The following LOXHD1 variants were observed in gnomAD, a reference collection of about 807,000 sequenced individuals.
The protein encoded by LOXHD1 is lipoxygenase homology domain-containing protein 1.
In LOXHD1, 205 loss-of-function variants were observed where a neutral mutation model predicts 248.2. The observed-to-expected ratio is 0.83, with a 90% CI of 0.74 to 0.93. LOXHD1 has a LOEUF of 0.93. Among genes scored for constraint, LOXHD1 ranks in the 40% least tolerant of loss-of-function variants. The pLI is 0.00. For missense variants in LOXHD1, 2,930 were observed against 2,971.6 expected, an observed-to-expected ratio of 0.99 and a Z score of 0.33; for synonymous variants, 1,113 against 1,162.8, an observed-to-expected ratio of 0.96 and a Z score of 0.87.
At chr18:46,585,892 C>A (rs1665768226) in intron 12 of LOXHD1, among the ~76,000 whole-genome samples, 1 of 152,080 alleles carries the variant, frequency 6.6e-6, no homozygotes, top group African/African-American at 2.4e-5. Context: ...ACCAAATGAC[C>A]CAGCAAATTC....
chr18:46,507,508 A>G, intron 36 of LOXHD1, 30 bp downstream of exon 36: 1 of 1,551,226 alleles, frequency 6.4e-7, no homozygotes, highest in Non-Finnish European at 8.7e-7. Context: ...GTGGTAAGGG[A>G]GCGGGAGGTG....
intron 37 of LOXHD1, among the ~76,000 whole-genome samples, chr18:46,500,393 C>A (rs1269379300): frequency 6.6e-6 from 1 of 152,204 alleles, no homozygotes; most frequent in African/African-American, 2.4e-5. Context: ...TCTCCAGCAT[C>A]CTCACCATTC....
At position 46,560,557 on chromosome 18, in the gene LOXHD1, G is replaced by C; in HGVS notation, c.2599-12C>G. The C allele has an allele frequency of 6.6e-7, 1 of 1,516,004 alleles. No individual in the cohort carries two copies. The highest frequency in any genetic ancestry group is 8.8e-7 in the Non-Finnish European group (1 of 1,134,288). 93.9% of individuals were successfully genotyped at this position (1,516,004 alleles called of 1,614,324 possible). On this transcript the variant is annotated splice_polypyrimidine_tract_variant and intron_variant, in intron 18 of 40. Coordinates refer to ENST00000642948, the MANE Select transcript of LOXHD1 (RefSeq NM_001384474.1). ...TCGGCCGCCTCAAGCTGTTCAAAGG[G>C]CAGGGCAGCGGCTGTCGTGGCCCCA...
intron 12 of LOXHD1, among the ~76,000 whole-genome samples, chr18:46,589,429 C>T (rs1218532031): frequency 2.6e-5 from 4 of 152,146 alleles, no homozygotes; most frequent in African/African-American, 7.2e-5. Context: ...ATTTCTTGTC[C>T]GTCCCCCTTC....
At chr18:46,567,868 T>C (rs2037675082) in intron 16 of LOXHD1, among the ~76,000 whole-genome samples, 1 of 152,180 alleles carries the variant, frequency 6.6e-6, no homozygotes, top group African/African-American at 2.4e-5. Flanking sequence ...CTCTTGGCCA[T>C]GCTGCTTGTT....
intron 4 of LOXHD1, among the ~76,000 whole-genome samples, chr18:46,638,158 T>C (rs1162644983): frequency 6.6e-6 from 1 of 152,186 alleles, no homozygotes; most frequent in Non-Finnish European, 1.5e-5. Flanking sequence ...AGCCCATTCA[T>C]TTAAACTATA....
At chr18:46,591,245 G>C (rs1336963855) in intron 12 of LOXHD1, among the ~76,000 whole-genome samples, 2 of 152,158 alleles carry the variant, frequency 1.3e-5, no homozygotes, top group African/African-American at 4.8e-5. Context: ...TAGCAAATGG[G>C]TTATCTTAAG....
intron 4 of LOXHD1, among the ~76,000 whole-genome samples, chr18:46,621,752 C>T (rs554930427): frequency 5.3e-5 from 8 of 152,206 alleles, no homozygotes; most frequent in Admixed American, 2.0e-4. Context: ...AAAAAAAATC[C>T]CTGCCCAAAG....
chr18:46,592,428 G>T, intron 11 of LOXHD1, 70 bp downstream of exon 11: 2 of 1,258,448 alleles, frequency 1.6e-6, no homozygotes, highest in Non-Finnish European at 2.2e-6. Flanking sequence ...TATGTGACAG[G>T]GTCATTGAAA....
intron 32 of LOXHD1, among the ~76,000 whole-genome samples, chr18:46,521,655 G>T (rs1179433887): frequency 6.6e-6 from 1 of 152,126 alleles, no homozygotes; most frequent in Non-Finnish European, 1.5e-5. Context: ...ACACCCCCAA[G>T]AAAATGGATT....
In LOXHD1 at chr18:46,483,599, T is replaced by A. The variant is rs930026433; in HGVS notation, c.6329A>T (p.Glu2110Val). The stretch of plus-strand genomic sequence containing the variant: ...GCTCAGTACATACACATTGCCGTAC[T>A]CCATCTCGGTGATGGTGATGGTCTT... Reference protein sequence around the residue: ...HVKTITITEMEYGNVYFFNCD... With the variant: ...HVKTITITEMVYGNVYFFNCD... Residue 2110 changes from glutamate (E) to valine (V), a missense_variant, in exon 40 of 41, where the codon GAG becomes GTG. Glu to Val is a moderately radical substitution (Grantham distance 121, BLOSUM62 -2). Coordinates refer to ENST00000642948, the MANE Select transcript of LOXHD1 (RefSeq NM_001384474.1). The A allele has an allele frequency of 1.9e-6, 3 of 1,551,500 alleles. No individual in the cohort carries two copies. Among genetic ancestry groups the A allele is most frequent in the Non-Finnish European group, 2.6e-6 (3 of 1,146,944 alleles).
chr18:46,571,744 C>T (rs913290468), intron 15 of LOXHD1, among the ~76,000 whole-genome samples: 9 of 152,230 alleles, frequency 5.9e-5, no homozygotes, highest in Admixed American at 5.2e-4. Context: ...TGATACTTGG[C>T]ATTTTTAAAG....
At position 46,575,497 on chromosome 18, in the gene LOXHD1, C is replaced by G. The variant is rs183111954; in HGVS notation, c.1970+2210G>C. Among the ~76,000 whole-genome samples, 25 of 152,300 alleles carry G rather than the reference C, an allele frequency of 1.6e-4. No homozygotes were observed. The East Asian group carries it at 2.9e-3, about 18-fold the overall frequency. ...TAAAATAAGGTCATTAGGGTGACCC[C>G]TCATCTAATCTGACTGGTATCCTTA... On this transcript the variant is annotated intron_variant, in intron 14 of 40. Coordinates refer to ENST00000642948, the MANE Select transcript of LOXHD1 (RefSeq NM_001384474.1).
At chr18:46,576,971 T>C (rs908213637) in intron 14 of LOXHD1, among the ~76,000 whole-genome samples, 2 of 152,192 alleles carry the variant, frequency 1.3e-5, no homozygotes, top group African/African-American at 4.8e-5. Flanking sequence ...TAGCTACCCT[T>C]GAGGAGCCCT....
intron 21 of LOXHD1, among the ~76,000 whole-genome samples, chr18:46,548,267 C>T (rs1161163335): frequency 1.4e-5 from 2 of 145,730 alleles, no homozygotes; most frequent in South Asian, 4.5e-4. Context: ...CCACCCCTGC[C>T]CTGATGCACA....
At chr18:46,484,739 G>T (rs1231463262) in intron 39 of LOXHD1, among the ~76,000 whole-genome samples, 2 of 152,180 alleles carry the variant, frequency 1.3e-5, no homozygotes, top group Non-Finnish European at 2.9e-5. Context: ...GGAAGGAGGT[G>T]TGGTCCTTGT....
chr18:46,641,827 A>G, intron 3 of LOXHD1, 129 bp downstream of exon 3: 1 of 890,716 alleles, frequency 1.1e-6, no homozygotes, highest in Non-Finnish European at 1.8e-6. Flanking sequence ...TGACAGGGAA[A>G]GATTTGGGCC....
chr18:46,522,083 G>A lies in LOXHD1; in HGVS notation c.5085+18C>T, dbSNP rs1362588247. On this transcript the variant is annotated intron_variant, in intron 32 of 40. Transcript: ENST00000642948. ...TCCCTAGGGTGGTCACTATCATGGG[G>A]CCCCGAGAAGCCAGCACCTCTATTT... The A allele has an allele frequency of 4.4e-5, 67 of 1,540,020 alleles. No individual in the cohort carries two copies. The highest frequency in any genetic ancestry group is 3.0e-5 in the Non-Finnish European group (34 of 1,142,334).
chr18:46,485,106 T>C lies in LOXHD1; in HGVS notation c.6095A>G (p.Glu2032Gly). 6.5e-7 allele frequency: 1 copy of C among 1,549,620 alleles called. No homozygotes were observed. Among genetic ancestry groups the C allele is most frequent in the South Asian group, 1.2e-5 (1 of 83,792 alleles). Residue 2032 changes from glutamate to glycine, a missense_variant, in exon 39 of 41, where the codon GAG becomes GGG. Transcript: ENST00000642948. Reference protein sequence around the residue: ...IETGNGGETRENVWLILEGRK... With the variant: ...IETGNGGETRGNVWLILEGRK... ...GCCCTCCAGGATGAGCCAGACGTTC[T>C]CCCTGGTTTCGCCTCCGTTGCCCGT... is the stretch of plus-strand genomic sequence containing the variant.
Sources: gnomAD v4.1 joint callset for allele counts (sites outside exome capture counted in the v4.1 genomes callset) on GRCh38, gnomAD v4.1.1 for gene constraint, MANE v1.5 for transcripts, NCBI Gene and HGNC (gene_info 2026-07-23, HGNC 2026-07-21) for gene names.